ATXN1: variants seen among roughly 807,000 people sequenced by gnomAD.
The protein encoded by ATXN1 is ataxin 1, also known as ataxin-1.
ATXN1 carries 8 observed loss-of-function variants against 56.4 expected under a neutral mutation model. That is an observed-to-expected ratio of 0.14 (90% CI 0.08 to 0.26). The LOEUF is 0.26. ATXN1 is among the 10% of genes least tolerant of loss of function. ATXN1 has a pLI of 1.00. For synonymous variants in ATXN1, 514 were observed against 494.6 expected (o/e 1.04, Z -0.52); for missense variants, 987 against 1,106.5 (o/e 0.89, Z 1.53).
At chr6:16,701,667 A>G (rs973251250) in intron 2 of ATXN1, among the ~76,000 whole-genome samples, 1 of 150,756 alleles carries the variant, frequency 6.6e-6, no homozygotes, top group Non-Finnish European at 1.5e-5. Context: ...TGCAAAAATC[A>G]CAAGCATTCT....
intron 3 of ATXN1, among the ~76,000 whole-genome samples, chr6:16,641,516 T>C (rs1033038507): frequency 2.6e-5 from 4 of 152,186 alleles, no homozygotes; most frequent in Non-Finnish European, 5.9e-5. Context: ...GCACATTGGG[T>C]TACTAAATAC....
intron 6 of ATXN1, among the ~76,000 whole-genome samples, chr6:16,385,959 T>TATCTTACTC (rs1446275807): frequency 6.6e-6 from 1 of 152,236 alleles, no homozygotes; most frequent in African/African-American, 2.4e-5. Context: ...TAATCATTCC[T>TATCTTACTC]ATCTTACTCT....
At chr6:16,631,858 C>T (rs1187143981) in intron 3 of ATXN1, among the ~76,000 whole-genome samples, 1 of 152,154 alleles carries the variant, frequency 6.6e-6, no homozygotes, top group Admixed American at 6.5e-5. Context: ...CAAGCATCAA[C>T]AGGAAAGAGG....
intron 1 of ATXN1, chr6:16,761,050 T>C (rs1761079914): frequency 9.1e-6 from 2 of 219,956 alleles, no homozygotes; most frequent in East Asian, 1.2e-4. Flanking sequence ...CCGGGGACGG[T>C]TGTATGTACA....
At chr6:16,614,502 T>C (rs1446127684) in intron 3 of ATXN1, among the ~76,000 whole-genome samples, 1 of 151,786 alleles carries the variant, frequency 6.6e-6, no homozygotes, top group African/African-American at 2.4e-5. Context: ...AAAAAGGTTT[T>C]CTCTTAAATA....
At position 16,328,529 on chromosome 6, in the gene ATXN1, A is replaced by G; in HGVS notation, c.-160-59T>C. ...AAGGAAAGGGAGGAGAAAGGGAAGG[A>G]GGGAAAGGACATCAGAACATGAGCA... On this transcript the variant is annotated intron_variant, in intron 6 of 7. Transcript: ENST00000436367. This position sits in a 1 kb window ranked among gnomAD's most constrained non-coding sequence, Gnocchi z 6.2. 1 of 811,176 alleles carries G rather than the reference A, an allele frequency of 1.2e-6. No homozygotes were observed. The highest frequency in any genetic ancestry group is 3.1e-5 in the East Asian group (1 of 32,366). The allele number at this position is 811,176 out of a possible 1,614,324, so 50.2% of individuals were successfully genotyped here.
In ATXN1 at chr6:16,731,454, C is replaced by CTTTTTTTTTTTTTTTTTTT. The variant is rs71559655; in HGVS notation, c.-615+21760_-615+21778dup. 8.7e-4 allele frequency among the ~76,000 whole-genome samples: 71 copies of CTTTTTTTTTTTTTTTTTTT among 81,756 alleles called. 3 individuals carry two copies. Among genetic ancestry groups the CTTTTTTTTTTTTTTTTTTT allele is most frequent in the Non-Finnish European group, 1.2e-3 (48 of 40,266 alleles). 53.6% of individuals were successfully genotyped at this position (81,756 alleles called of 152,430 possible). On this transcript the variant is annotated intron_variant, in intron 2 of 7. Transcript: ENST00000436367. ...ACGAGAGAGGCTTTTTTTTTCTTTT[C>CTTTTTTTTTTTTTTTTTTT]TTTTTTTTTTTTTTTTTTTTTTTTT...
At position 16,663,552 on chromosome 6, in the gene ATXN1, G is replaced by A. The variant is rs182578197; in HGVS notation, c.-614-5651C>T. Among the ~76,000 whole-genome samples the A allele has an allele frequency of 6.7e-3, 1,027 of 152,266 alleles. 11 individuals are homozygous for A. Among genetic ancestry groups the A allele is most frequent in the Non-Finnish European group, 0.011 (727 of 68,022 alleles). On this transcript the variant is annotated intron_variant, in intron 2 of 7. Coordinates refer to ENST00000436367, the MANE Select transcript of ATXN1 (RefSeq NM_001128164.2). ...TACAAATTTAGAATGGCACTGTGCC[G>A]GGAAGAAACTGGTGCTGGGTGGTGC...
intron 3 of ATXN1, among the ~76,000 whole-genome samples, chr6:16,587,899 A>C (rs1459623137): frequency 1.1e-4 from 16 of 151,932 alleles, no homozygotes; most frequent in South Asian, 2.1e-4. Context: ...CCATTGCACT[A>C]CAGCCTGGGC....
intron 6 of ATXN1, among the ~76,000 whole-genome samples, chr6:16,457,246 A>G (rs943854862): frequency 2.0e-5 from 3 of 152,150 alleles, no homozygotes; most frequent in Non-Finnish European, 4.4e-5. Flanking sequence ...TCCATTGGTA[A>G]GGGCCACTAA....
At chr6:16,660,241 T>C (rs1758288282) in intron 2 of ATXN1, among the ~76,000 whole-genome samples, 2 of 152,232 alleles carry the variant, frequency 1.3e-5, no homozygotes, top group African/African-American at 4.8e-5. Context: ...TCCCTTCTTG[T>C]TTACCATTTG....
At chr6:16,463,316 C>T (rs941270224) in intron 6 of ATXN1, among the ~76,000 whole-genome samples, 1 of 152,158 alleles carries the variant, frequency 6.6e-6, no homozygotes, top group African/African-American at 2.4e-5. Flanking sequence ...TTCCTAAGTC[C>T]CAACATTAAC....
intron 6 of ATXN1, among the ~76,000 whole-genome samples, chr6:16,356,530 C>T (rs1394542019): frequency 6.6e-6 from 1 of 152,178 alleles, no homozygotes; most frequent in Non-Finnish European, 1.5e-5. Context: ...ATTTTCCCCA[C>T]AGTGTTTTTC....
chr6:16,623,156 A>C (rs61131185), intron 3 of ATXN1, among the ~76,000 whole-genome samples: 1 of 152,002 alleles, frequency 6.6e-6, no homozygotes, highest in African/African-American at 2.4e-5. Context: ...ATTAACACAA[A>C]TAAAGCTGTG....
At chr6:16,703,970 G>C (rs1283320656) in intron 2 of ATXN1, among the ~76,000 whole-genome samples, 2 of 152,182 alleles carry the variant, frequency 1.3e-5, no homozygotes, top group Non-Finnish European at 2.9e-5. Flanking sequence ...AGTGAGCTGA[G>C]ATCACACCAC....
rs1029974672 is a variant in ATXN1 at position 16,730,489 on chromosome 6, A to ATG, written c.-615+22743_-615+22744insCA. Among the ~76,000 whole-genome samples the ATG allele has an allele frequency of 9.4e-4, 83 of 87,866 alleles. 1 individual carries two copies. Among genetic ancestry groups the ATG allele is most frequent in the East Asian group, 2.9e-3 (12 of 4,178 alleles). The allele number at this position is 87,866 out of a possible 152,430, so 57.6% of individuals were successfully genotyped here. Reference sequence around the variant, plus strand: ...GGAGTTAAAGGGTAAAACAGTATGTATATATATATATATATATAAATGTAT... The same window carrying ATG: ...GGAGTTAAAGGGTAAAACAGTATGTATGTATATATATATATATATAAATGTAT... On this transcript the variant is annotated intron_variant, in intron 2 of 7. Transcript: ENST00000436367.
intron 6 of ATXN1, among the ~76,000 whole-genome samples, chr6:16,466,120 T>A (rs1433864541): frequency 6.6e-6 from 1 of 151,690 alleles, no homozygotes; most frequent in African/African-American, 2.4e-5. Context: ...ATCGAGAACA[T>A]CCTGGCTAAC....
At chr6:16,338,705 C>T (rs1402349916) in intron 6 of ATXN1, among the ~76,000 whole-genome samples, 1 of 152,132 alleles carries the variant, frequency 6.6e-6, no homozygotes, top group East Asian at 1.9e-4. Context: ...TCAGTGATCA[C>T]CCACACTTAT....
At chr6:16,529,287 G>C (rs1259755920) in intron 4 of ATXN1, among the ~76,000 whole-genome samples, 1 of 148,070 alleles carries the variant, frequency 6.8e-6, no homozygotes, top group Non-Finnish European at 1.5e-5. Flanking sequence ...GGAAAGTTGT[G>C]TATTAGTGCC....
Sources: gnomAD v4.1 joint callset for allele counts (sites outside exome capture counted in the v4.1 genomes callset) on GRCh38, gnomAD v4.1.1 for gene constraint, Gnocchi (gnomAD v3.1) non-coding constraint, MANE v1.5 for transcripts, NCBI Gene and HGNC (gene_info 2026-07-23, HGNC 2026-07-21) for gene names.